BNIP2: variants seen among roughly 807,000 people sequenced by gnomAD.
The protein encoded by BNIP2 is BCL2/adenovirus E1B 19 kDa protein-interacting protein 2.
A neutral mutation model predicts 43.4 loss-of-function variants in BNIP2; 36 were observed. The ratio of observed to expected loss-of-function variants is 0.83; its 90% confidence interval spans 0.64 to 1.10. The LOEUF is 1.10. Ranked by LOEUF, BNIP2 falls within the 50% of genes least tolerant of loss-of-function variation. The pLI is 0.00. For missense variants in BNIP2, 417 were observed against 374.1 expected (o/e 1.11, Z -0.95); for synonymous variants, 146 against 121.0 (o/e 1.21, Z -1.35).
At chr15:59,676,379 G>A (rs1204734804) in intron 5 of BNIP2, among the ~76,000 whole-genome samples, 1 of 151,388 alleles carries the variant, frequency 6.6e-6, no homozygotes, top group Non-Finnish European at 1.5e-5. Flanking sequence ...TTTTTGTGGA[G>A]ACGAGGTCTA....
At position 59,676,721 on chromosome 15, in the gene BNIP2, C is replaced by T. The variant is rs6151523; in HGVS notation, c.472+1190G>A. Reference sequence around the variant, plus strand: ...AGGGCAGGCGAGCGCAGTGGAGTGCCGCGCGGTGCGGTGCGGGCGGCAGAG... The same window carrying T: ...AGGGCAGGCGAGCGCAGTGGAGTGCTGCGCGGTGCGGTGCGGGCGGCAGAG... On this transcript the variant is annotated intron_variant, in intron 5 of 9. Transcript: ENST00000607373. The T allele has an allele frequency of 1.6e-4, 167 of 1,054,156 alleles. No individual in the cohort carries two copies. In the African/African-American group the frequency reaches 2.0e-3, roughly 13 times the overall value. The allele number at this position is 1,054,156 out of a possible 1,614,324, so 65.3% of individuals were successfully genotyped here.
rs1370012539 is a variant in BNIP2, at chr15:59,659,419, A to G, written c.*4650T>C. The G allele has an allele frequency of 6.6e-6, 1 of 152,236 alleles. No individual in the cohort carries two copies. Among genetic ancestry groups the G allele is most frequent in the African/African-American group, 2.4e-5 (1 of 41,452 alleles). 9.4% of individuals were successfully genotyped at this position (152,236 alleles called of 1,614,324 possible). Reference sequence around the variant, plus strand: ...TAATTTTGTCTAAATGACAGCAATGAACCTGTGGTAACAAAAGTATTTTTG... The same window carrying G: ...TAATTTTGTCTAAATGACAGCAATGGACCTGTGGTAACAAAAGTATTTTTG... On this transcript the variant is annotated 3_prime_UTR_variant, in exon 10 of 10. Transcript: ENST00000607373.
intron 2 of BNIP2, 142 bp downstream of exon 2, chr15:59,682,266 G>T (rs1893730513): frequency 6.8e-6 from 4 of 590,514 alleles, no homozygotes; most frequent in Non-Finnish European, 1.2e-5. Context: ...GGCGGAGGTT[G>T]CAGTGAGCTG....
rs1442475039 is a variant in BNIP2 at position 59,669,167 on chromosome 15, A to G, written c.794+109T>C. 5 of 1,002,354 alleles carry G rather than the reference A, an allele frequency of 5.0e-6. No homozygotes were observed. The South Asian group carries it at 6.4e-5, about 13-fold the overall frequency. The allele number at this position is 1,002,354 out of a possible 1,614,324, so 62.1% of individuals were successfully genotyped here. On this transcript the variant is annotated intron_variant, in intron 8 of 9. Coordinates refer to ENST00000607373, the MANE Select transcript of BNIP2 (RefSeq NM_004330.4). Reference sequence around the variant, plus strand: ...TTTGATCATTATACAATGTATACACATATCAAAATATAGCTCTGTATCCCA... The same window carrying G: ...TTTGATCATTATACAATGTATACACGTATCAAAATATAGCTCTGTATCCCA...
rs6494134 is a variant in BNIP2, at chr15:59,661,432, C to G, written c.*2637G>C. The G allele has an allele frequency of 0.97, 147,576 of 152,228 alleles. 71,704 individuals are homozygous for G. Among genetic ancestry groups the G allele is most frequent in the East Asian group, 1 (5,188 of 5,188 alleles). The allele number at this position is 152,228 out of a possible 1,614,324, so 9.4% of individuals were successfully genotyped here. On this transcript the variant is annotated 3_prime_UTR_variant, in exon 10 of 10. Transcript: ENST00000607373. The stretch of plus-strand genomic sequence containing the variant: ...AAGGTTTGCTTTCTCTTACTTCCTA[C>G]TTTTATCACTTTCCAATGCCTCTGC...
chr15:59,675,197 C>T (rs866466573), intron 5 of BNIP2, among the ~76,000 whole-genome samples: 4 of 143,562 alleles, frequency 2.8e-5, no homozygotes, highest in Admixed American at 7.1e-5. Context: ...TGCAGTGAGC[C>T]GAGATTGCGC....
chr15:59,664,103 T>C lies in BNIP2; in HGVS notation c.911A>G (p.Asn304Ser). Reference protein sequence around the residue: ...ECIKQVDQELNGKQDEPKNEQ With the variant: ...ECIKQVDQELSGKQDEPKNEQ ...ATTTTTCGGTTCATCTTGTTTTCCATTAAGTTCTTGATCAACTCTGTTTAA... is the reference window on the plus strand; with the variant it reads ...ATTTTTCGGTTCATCTTGTTTTCCACTAAGTTCTTGATCAACTCTGTTTAA... The change falls in exon 10 of 10, where the codon AAT (asparagine) becomes AGT (serine). Residue 304 changes from asparagine to serine, a missense_variant. Transcript: ENST00000607373. 2 of 1,548,174 alleles carry C rather than the reference T, an allele frequency of 1.3e-6. No homozygotes were observed. The highest frequency in any genetic ancestry group is 1.7e-6 in the Non-Finnish European group (2 of 1,144,200).
At chr15:59,688,959 C>G (rs1422575866) in intron 1 of BNIP2, 176 bp downstream of exon 1, 5 of 1,441,822 alleles carry the variant, frequency 3.5e-6, no homozygotes, top group Non-Finnish European at 4.5e-6. Context: ...CTAAGCAGGG[C>G]GGGGATCCAG....
rs1300484439 is a variant in BNIP2 at position 59,669,292 on chromosome 15, T to C, written c.778A>G (p.Thr260Ala). The change falls in exon 8 of 10, where the codon ACA (threonine) becomes GCA (alanine). Residue 260 changes from threonine to alanine, a missense_variant. Coordinates refer to ENST00000607373, the MANE Select transcript of BNIP2 (RefSeq NM_004330.4). ...AAAAATTACCTAATAAATGGTCTTGTAACAGCCAGAAGTGTTCTGATAAAC... is the reference window on the plus strand; with the variant it reads ...AAAAATTACCTAATAAATGGTCTTGCAACAGCCAGAAGTGTTCTGATAAAC... ...SWFIRTLLAV[T>A]RPFISSKFSQ... The C allele has an allele frequency of 1.9e-6, 3 of 1,553,626 alleles. No individual in the cohort carries two copies. Among genetic ancestry groups the C allele is most frequent in the Non-Finnish European group, 2.6e-6 (3 of 1,158,458 alleles).
At chr15:59,678,879 A>G (rs1353088287) in intron 4 of BNIP2, 1 of 1,298,562 alleles carries the variant, frequency 7.7e-7, no homozygotes, top group Admixed American at 2.3e-5. Context: ...CATAGGCACA[A>G]AACTATTTCA....
chr15:59,688,839 C>A (rs1448485917), intron 1 of BNIP2: 2 of 1,456,336 alleles, frequency 1.4e-6, no homozygotes, highest in African/African-American at 2.9e-5. Context: ...GGTGGGGGAG[C>A]GGAGGAGGGG....
chr15:59,679,722 A>T lies in BNIP2; in HGVS notation c.165T>A (p.Ala55=). 1 of 1,577,454 alleles carries T rather than the reference A, an allele frequency of 6.3e-7. No homozygotes were observed. The highest frequency in any genetic ancestry group is 1.2e-5 in the South Asian group (1 of 85,478). ...GATCCAGTGTCAGGCTAATGTCTGG[A>T]GCCATTAGTTTCTTTCTCACTTTAT... ...NGNKVRKKLM[A]PDISLTLDPS... is the part of the protein sequence containing the mutation. The change falls in exon 4 of 10, where the codon GCT becomes GCA. Residue 55 remains alanine (A), a synonymous_variant. Coordinates refer to ENST00000607373, the MANE Select transcript of BNIP2 (RefSeq NM_004330.4).
chr15:59,670,222 G>C (rs1209336232), intron 7 of BNIP2, among the ~76,000 whole-genome samples: 1 of 152,184 alleles, frequency 6.6e-6, no homozygotes, highest in Non-Finnish European at 1.5e-5. Flanking sequence ...TTTAGTCCAG[G>C]AGTTCAAGAA....
chr15:59,679,510 A>G (rs1893516119), intron 4 of BNIP2, 82 bp downstream of exon 4: 3 of 1,391,244 alleles, frequency 2.2e-6, no homozygotes, highest in Non-Finnish European at 2.9e-6. Context: ...CAAATATATG[A>G]ACTTTAGAAA....
At chr15:59,676,750 G>A in intron 5 of BNIP2, 1 of 1,402,548 alleles carries the variant, frequency 7.1e-7, no homozygotes, top group Admixed American at 2.0e-5. Context: ...GGCAGAGTTG[G>A]GGTGTCATGG....
intron 5 of BNIP2, 59 bp downstream of exon 5, chr15:59,677,850 CAA>C: frequency 3.8e-6 from 5 of 1,301,628 alleles, no homozygotes; most frequent in Admixed American, 2.4e-5. Flanking sequence ...GATATCCTTC[CAA>C]AAAAAAAAGA....
chr15:59,672,432 C>T (rs770252466), intron 6 of BNIP2: 177 of 423,064 alleles, frequency 4.2e-4, no homozygotes, highest in Non-Finnish European at 6.8e-4. Flanking sequence ...TACTACCATG[C>T]CTGGCTAATT....
rs1892882474 is a variant in BNIP2 at position 59,671,200 on chromosome 15, A to G, written c.690T>C (p.Tyr230=). The G allele has an allele frequency of 2.5e-6, 4 of 1,598,664 alleles. No homozygotes were observed. The highest frequency in any genetic ancestry group is 3.4e-6 in the Non-Finnish European group (4 of 1,171,450). The change falls in exon 7 of 10, where the codon TAT becomes TAC. Residue 230 remains tyrosine, a synonymous_variant. Transcript: ENST00000607373. ...TGTATTACCTTCTATCAATTTGCTG[A>G]TAACATTTCCTGAGCCATCCCAGAC... The part of the protein sequence containing the change: ...MPSLGWLRKC[Y]QQIDRRLRKN...
At position 59,689,219 on chromosome 15, in the gene BNIP2, G is replaced by A. The variant is rs1314025758; in HGVS notation, c.-142C>T. 7 of 1,540,770 alleles carry A rather than the reference G, an allele frequency of 4.5e-6. No individual in the cohort carries two copies. The East Asian group carries it at 1.5e-4, about 32-fold the overall frequency. On this transcript the variant is annotated 5_prime_UTR_variant, in exon 1 of 10. Coordinates refer to ENST00000607373, the MANE Select transcript of BNIP2 (RefSeq NM_004330.4). The stretch of plus-strand genomic sequence containing the variant: ...TGACGGCCAGGTCGCAAAAAGCAGG[G>A]CCGAGCGGAGCCCGCTCCCCTCGGT...
Sources: allele counts gnomAD v4.1 joint callset (sites outside exome capture counted in the v4.1 genomes callset), GRCh38; gene constraint gnomAD v4.1.1; transcripts MANE v1.5; gene names NCBI Gene and HGNC (gene_info 2026-07-23, HGNC 2026-07-21).